The following LYN variants were observed in gnomAD, a reference collection of about 807,000 sequenced individuals.
The protein encoded by LYN is LYN proto-oncogene, Src family tyrosine kinase.
Under a neutral mutation model 65.0 loss-of-function variants are expected in LYN, and 12 were observed. The observed-to-expected ratio is 0.18, with a 90% confidence interval of 0.12 to 0.30. The LOEUF (loss-of-function observed/expected upper bound fraction) is 0.30. Ranked by LOEUF, LYN falls within the 10% of genes least tolerant of loss-of-function variation. LYN has a pLI of 1.00. For synonymous variants in LYN, 222 were observed against 221.2 expected (o/e 1.00, Z -0.03); for missense variants, 380 against 623.2 (o/e 0.61, Z 4.16).
rs528467771 is a variant in LYN at position 55,910,861 on chromosome 8, C to T, written c.-6+30758C>T. ...TGGCACCTCTGCTTTTTGTAGTTTT[C>T]GTATCAACACCTTGGTTTTTGGCTT... is the stretch of plus-strand genomic sequence containing the variant. On this transcript the variant is annotated intron_variant, in intron 1 of 12. Transcript: ENST00000519728. 1.3e-4 allele frequency among the ~76,000 whole-genome samples: 19 copies of T among 148,592 alleles called. No homozygotes were observed. In the East Asian group the frequency reaches 1.6e-3, roughly 12 times the overall value.
At chr8:55,933,513 A>T (rs1344386384) in intron 1 of LYN, among the ~76,000 whole-genome samples, 2 of 152,242 alleles carry the variant, frequency 1.3e-5, no homozygotes, top group East Asian at 3.8e-4. Context: ...AAGTGTGTAC[A>T]TTCTAACGGA....
chr8:55,955,617 A>T lies in LYN; in HGVS notation c.790+1633A>T, dbSNP rs1012370692. Among the ~76,000 whole-genome samples the T allele has an allele frequency of 3.3e-5, 5 of 152,196 alleles. No individual in the cohort carries two copies. In the East Asian group the frequency reaches 7.7e-4, roughly 23 times the overall value. ...ACAATATTGTGTAGCCACCACCTCC[A>T]TCTACTTTCAAAATGTTTTTATCAT... On this transcript the variant is annotated intron_variant, in intron 8 of 12. Transcript: ENST00000519728.
chr8:55,906,488 C>T lies in LYN; in HGVS notation c.-6+26385C>T, dbSNP rs142299350. 4.9e-3 allele frequency among the ~76,000 whole-genome samples: 748 copies of T among 152,188 alleles called. 4 individuals carry two copies. Among genetic ancestry groups the T allele is most frequent in the African/African-American group, 0.017 (708 of 41,528 alleles). On this transcript the variant is annotated intron_variant, in intron 1 of 12. Coordinates refer to ENST00000519728, the MANE Select transcript of LYN (RefSeq NM_002350.4). ...GATTCACCTTCAGCCTCCCAAGTAGCTGGGATTACATGTGCCCACCACCAC... is the reference window on the plus strand; with the variant it reads ...GATTCACCTTCAGCCTCCCAAGTAGTTGGGATTACATGTGCCCACCACCAC...
intron 1 of LYN, among the ~76,000 whole-genome samples, chr8:55,912,235 A>G (rs749148237): frequency 6.6e-6 from 1 of 152,238 alleles, no homozygotes; most frequent in Non-Finnish European, 1.5e-5. Flanking sequence ...CCCTTTTGCA[A>G]TGTATCATTA....
At chr8:55,893,665 T>C (rs1285916443) in intron 1 of LYN, 1 of 152,268 alleles carries the variant, frequency 6.6e-6, no homozygotes, top group Non-Finnish European at 1.5e-5. Context: ...CTCATGAATA[T>C]GCATGCATAT....
intron 1 of LYN, among the ~76,000 whole-genome samples, chr8:55,900,804 G>C (rs930562308): frequency 4.0e-5 from 6 of 151,838 alleles, no homozygotes; most frequent in African/African-American, 7.3e-5. Context: ...TACTTATCTA[G>C]CTTGCATTTT....
intron 1 of LYN, among the ~76,000 whole-genome samples, chr8:55,894,536 AT>A (rs34130107): frequency 0.4 from 57,260 of 142,778 alleles, 11,537 homozygotes; most frequent in East Asian, 0.68. Flanking sequence ...CACCTGGCTA[AT>A]TTTTTTTTTT....
At chr8:55,962,362 T>G (rs60805166) in intron 8 of LYN, among the ~76,000 whole-genome samples, 4,510 of 152,112 alleles carry the variant, frequency 0.03, 127 homozygotes, top group African/African-American at 0.071. Flanking sequence ...CATCTGTGCT[T>G]TTGCGTGTGG....
intron 9 of LYN, among the ~76,000 whole-genome samples, chr8:55,968,641 A>G (rs934460647): frequency 6.6e-6 from 1 of 152,228 alleles, no homozygotes; most frequent in African/African-American, 2.4e-5. Flanking sequence ...TAGTCTTTTC[A>G]GCAGCCTGAG....
intron 4 of LYN, 50 bp downstream of exon 4, chr8:55,947,773 G>T: frequency 7.9e-7 from 1 of 1,262,840 alleles, no homozygotes. Context: ...AGGCCACTGA[G>T]TCCTGCAGGC....
chr8:55,980,937 G>A (rs745313839), intron 10 of LYN, among the ~76,000 whole-genome samples: 5 of 152,096 alleles, frequency 3.3e-5, no homozygotes, highest in African/African-American at 4.8e-5. Context: ...CCAGCTCCCC[G>A]CGGCCGCTTG....
At chr8:56,002,173 T>C (rs1345902338) in intron 12 of LYN, among the ~76,000 whole-genome samples, 1 of 151,872 alleles carries the variant, frequency 6.6e-6, no homozygotes, top group Non-Finnish European at 1.5e-5. Flanking sequence ...TCCCAGCACT[T>C]TGGGAGGCCC....
chr8:55,942,991 A>G (rs1445216499), intron 2 of LYN, among the ~76,000 whole-genome samples: 3 of 152,194 alleles, frequency 2.0e-5, no homozygotes, highest in African/African-American at 7.2e-5. Flanking sequence ...TTAAAATATT[A>G]AGGAAAAACA....
At position 56,010,164 on chromosome 8, in the gene LYN, A is replaced by AAAGT; in HGVS notation, c.*57_*60dup. 1 of 1,562,544 alleles carries AAAGT rather than the reference A, an allele frequency of 6.4e-7. No individual in the cohort carries two copies. Among genetic ancestry groups the AAAGT allele is most frequent in the Non-Finnish European group, 8.8e-7 (1 of 1,135,232 alleles). Reference sequence around the variant, plus strand: ...GGGTGGCTGCCTCATTTAGAGAGGAAAAGTAACCATCACTGGTTGCACTTA... The same window carrying AAAGT: ...GGGTGGCTGCCTCATTTAGAGAGGAAAAGTAAGTAACCATCACTGGTTGCACTTA... On this transcript the variant is annotated 3_prime_UTR_variant, in exon 13 of 13. Transcript: ENST00000519728.
intron 10 of LYN, among the ~76,000 whole-genome samples, chr8:55,982,453 G>C (rs1009527981): frequency 6.6e-6 from 1 of 152,094 alleles, no homozygotes; most frequent in East Asian, 1.9e-4. Context: ...TGGAACCAAT[G>C]GTGTGCTGAG....
intron 1 of LYN, among the ~76,000 whole-genome samples, chr8:55,891,136 T>C (rs375720243): frequency 4.6e-5 from 7 of 152,078 alleles, no homozygotes; most frequent in African/African-American, 1.7e-4. Flanking sequence ...GCGGATCACC[T>C]GAGGTCGGCA....
rs575223573 is a variant in LYN, at chr8:55,968,292, A to G, written c.973+1395A>G. Among the ~76,000 whole-genome samples the G allele has an allele frequency of 3.3e-5, 5 of 152,142 alleles. No homozygotes were observed. In the East Asian group the frequency reaches 7.7e-4, roughly 24 times the overall value. On this transcript the variant is annotated intron_variant, in intron 9 of 12. Coordinates refer to ENST00000519728, the MANE Select transcript of LYN (RefSeq NM_002350.4). ...TTTTTTTGAGACAGAGTCTCACTCT[A>G]TCACCCAGGCTGGAGTGCAGTGGCA...
intron 8 of LYN, among the ~76,000 whole-genome samples, chr8:55,957,714 A>G (rs1563528893): frequency 6.6e-6 from 1 of 152,192 alleles, no homozygotes; most frequent in African/African-American, 2.4e-5. Context: ...AGGCCGAGGC[A>G]GGTAGATCAC....
intron 1 of LYN, among the ~76,000 whole-genome samples, chr8:55,884,171 C>G (rs139862376): frequency 0.046 from 7,070 of 152,286 alleles, 250 homozygotes; most frequent in Middle Eastern, 0.078. Flanking sequence ...GCAATCTCAG[C>G]TCACGGCAAT....
Sources: gnomAD v4.1 joint callset for allele counts (sites outside exome capture counted in the v4.1 genomes callset) on GRCh38, gnomAD v4.1.1 for gene constraint, MANE v1.5 for transcripts, NCBI Gene and HGNC (gene_info 2026-07-23, HGNC 2026-07-21) for gene names.